The following TENM4 variants were observed in gnomAD, a reference collection of about 807,000 sequenced individuals.
TENM4 encodes teneurin transmembrane protein 4, also known as teneurin-4.
TENM4 carries 82 observed loss-of-function variants against 243.3 expected under a neutral mutation model. The observed-to-expected ratio is 0.34, with a 90% confidence interval of 0.28 to 0.40. TENM4 has a LOEUF of 0.40. Ranked by LOEUF, TENM4 falls within the 10% of genes least tolerant of loss-of-function variation. The probability of loss-of-function intolerance (pLI) is 1.00; values close to 1 mark genes in which losing one functional copy is unlikely to be tolerated. For missense variants in TENM4, 3,138 were observed against 3,673.3 expected (o/e 0.85, Z 3.77); for synonymous variants, 1,412 against 1,456.3 (o/e 0.97, Z 0.69).
chr11:78,751,872 T>C (rs1165639912), intron 19 of TENM4, among the ~76,000 whole-genome samples: 1 of 152,188 alleles, frequency 6.6e-6, no homozygotes, highest in Non-Finnish European at 1.5e-5. Flanking sequence ...CCTGCAGACC[T>C]CAGAGCTCCT....
intron 12 of TENM4, among the ~76,000 whole-genome samples, chr11:78,844,643 A>T (rs1858345410): frequency 6.6e-6 from 1 of 151,982 alleles, no homozygotes; most frequent in Non-Finnish European, 1.5e-5. Flanking sequence ...TCTGTCTAAA[A>T]AAAAAAAAAG....
At chr11:79,428,151 G>A (rs913101008) in intron 1 of TENM4, among the ~76,000 whole-genome samples, 7 of 152,160 alleles carry the variant, frequency 4.6e-5, no homozygotes, top group African/African-American at 1.7e-4. Flanking sequence ...CAGGAGCTGA[G>A]GCCCATGCTC....
rs1172996408 is a variant in TENM4 at position 78,773,226 on chromosome 11, A to G, written c.2393-2088T>C. On this transcript the variant is annotated intron_variant, in intron 17 of 33. Coordinates refer to ENST00000278550, the MANE Select transcript of TENM4 (RefSeq NM_001098816.3). ...TTTGCTGTAAGATAAAGCCTCTTGT[A>G]AGATGCAAACAGTATCTCTTACGTA... is the stretch of plus-strand genomic sequence containing the variant. 2.0e-5 allele frequency among the ~76,000 whole-genome samples: 3 copies of G among 152,232 alleles called. No individual in the cohort carries two copies. The East Asian group carries it at 5.8e-4, about 29-fold the overall frequency.
rs183776911 is a variant in TENM4, at chr11:78,756,813, A to T, written c.2748T>A (p.Phe916Leu). 16 of 1,613,102 alleles carry T rather than the reference A, an allele frequency of 9.9e-6. No individual in the cohort carries two copies. The highest frequency in any genetic ancestry group is 1.2e-5 in the Non-Finnish European group (14 of 1,179,634). ...STHIIPGENPFDGGHACVIRG... is the reference protein window; with the variant it reads ...STHIIPGENPLDGGHACVIRG... ...GGGGCCCTCGGACTCACCCTCCATCAAAGGGGTTCTCCCCGGGGATTATGT... is the reference window on the plus strand; with the variant it reads ...GGGGCCCTCGGACTCACCCTCCATCTAAGGGGTTCTCCCCGGGGATTATGT... Residue 916 changes from phenylalanine to leucine, a missense_variant, in exon 19 of 34, where the codon TTT (phenylalanine) becomes TTA (leucine). Physicochemically the swap from Phe to Leu is conservative, Grantham distance 22 (BLOSUM62 0). Transcript: ENST00000278550.
chr11:78,821,769 T>G (rs1323192401), intron 12 of TENM4, among the ~76,000 whole-genome samples: 1 of 152,220 alleles, frequency 6.6e-6, no homozygotes, highest in Non-Finnish European at 1.5e-5. Context: ...AATAAGGACT[T>G]TGTTTTGTGG....
At chr11:79,286,679 A>AC (rs1555041978) in intron 2 of TENM4, among the ~76,000 whole-genome samples, 4 of 151,436 alleles carry the variant, frequency 2.6e-5, no homozygotes, top group Non-Finnish European at 4.4e-5. Context: ...CAAAAAAAAA[A>AC]TTTTTTTTTA....
intron 2 of TENM4, among the ~76,000 whole-genome samples, chr11:79,257,075 C>G (rs977074286): frequency 2.6e-5 from 4 of 152,092 alleles, no homozygotes; most frequent in African/African-American, 9.7e-5. Flanking sequence ...AAGGCAGGAG[C>G]ATTCCAGGCA....
chr11:79,368,825 C>T (rs556739019), intron 1 of TENM4, among the ~76,000 whole-genome samples: 13 of 152,296 alleles, frequency 8.5e-5, no homozygotes, highest in Admixed American at 7.8e-4. Context: ...TCGTAGTGGG[C>T]AAATTAATTA....
At chr11:79,047,397 TATTA>T (rs1859683372) in intron 6 of TENM4, among the ~76,000 whole-genome samples, 2 of 152,208 alleles carry the variant, frequency 1.3e-5, no homozygotes, top group Non-Finnish European at 2.9e-5. Context: ...CTCTTTTTCA[TATTA>T]ATTAGCCAGC....
At chr11:79,053,643 A>T (rs914992425) in intron 6 of TENM4, among the ~76,000 whole-genome samples, 1 of 152,154 alleles carries the variant, frequency 6.6e-6, no homozygotes, top group Admixed American at 6.5e-5. Context: ...CCTTTTCCTG[A>T]TTGCTGCTGC....
Position 78,805,410 on chromosome 11 carries a change from G to A in TENM4, c.2061C>T (p.Thr687=). ...ATGTGGCCCTGGGGGTCTCGCAGTT[G>A]GTGCCTCCCCATCCCACAGAGCAGT... ...ECHCSVGWGG[T]NCETPRATCL... The change falls in exon 15 of 34, where the codon ACC becomes ACT. Residue 687 remains threonine, a synonymous_variant. Coordinates refer to ENST00000278550, the MANE Select transcript of TENM4 (RefSeq NM_001098816.3). 1.9e-6 allele frequency: 3 copies of A among 1,605,118 alleles called. No homozygotes were observed. Among genetic ancestry groups the A allele is most frequent in the Non-Finnish European group, 2.6e-6 (3 of 1,175,864 alleles).
At chr11:79,396,204 A>T (rs1448000758) in intron 1 of TENM4, among the ~76,000 whole-genome samples, 1 of 152,058 alleles carries the variant, frequency 6.6e-6, no homozygotes, top group African/African-American at 2.4e-5. Context: ...TAGAATTCCA[A>T]CCACTCCAAC....
chr11:78,736,637 A>T (rs1052087515), intron 20 of TENM4, among the ~76,000 whole-genome samples: 2 of 152,142 alleles, frequency 1.3e-5, no homozygotes, highest in African/African-American at 4.8e-5. Flanking sequence ...GTTTTTCGTA[A>T]GGTACGGGAG....
At chr11:79,291,261 G>A (rs1856352157) in intron 2 of TENM4, among the ~76,000 whole-genome samples, 1 of 152,222 alleles carries the variant, frequency 6.6e-6, no homozygotes, top group African/African-American at 2.4e-5. Context: ...TGTAGCAGTG[G>A]CTTGAAGGTT....
chr11:78,822,535 G>T (rs1242035064), intron 12 of TENM4, among the ~76,000 whole-genome samples: 1 of 152,120 alleles, frequency 6.6e-6, no homozygotes, highest in Non-Finnish European at 1.5e-5. Flanking sequence ...AGAACACATG[G>T]ATACAGGAAC....
intron 2 of TENM4, among the ~76,000 whole-genome samples, chr11:79,241,256 T>C (rs543093842): frequency 6.6e-6 from 1 of 152,152 alleles, no homozygotes; most frequent in South Asian, 2.1e-4. Flanking sequence ...AGTAGACTGC[T>C]GGAAGAGGGG....
chr11:79,372,953 T>C (rs1443947506), intron 1 of TENM4, among the ~76,000 whole-genome samples: 3 of 152,090 alleles, frequency 2.0e-5, no homozygotes. Context: ...GTGCAGCCAA[T>C]AAAGTGTATT....
In TENM4 at chr11:79,319,127, C is replaced by T. The variant is rs371671290; in HGVS notation, c.-320-21584G>A. On this transcript the variant is annotated intron_variant, in intron 1 of 33. Coordinates refer to ENST00000278550, the MANE Select transcript of TENM4 (RefSeq NM_001098816.3). ...CAACCCCATTTTACAGATGAAGAAA[C>T]GGAGGCTTAGACAAATTAAGTAGCT... Among the ~76,000 whole-genome samples the T allele has an allele frequency of 8.5e-5, 13 of 152,264 alleles. No individual in the cohort carries two copies. In the East Asian group the frequency reaches 9.6e-4, roughly 11 times the overall value.
intron 6 of TENM4, among the ~76,000 whole-genome samples, chr11:79,025,975 A>G (rs1486069615): frequency 6.6e-6 from 1 of 152,176 alleles, no homozygotes; most frequent in African/African-American, 2.4e-5. Flanking sequence ...GAGGAAAAAA[A>G]TACAACAGAC....
Sources: allele counts gnomAD v4.1 joint callset (sites outside exome capture counted in the v4.1 genomes callset), GRCh38; gene constraint gnomAD v4.1.1; transcripts MANE v1.5; gene names NCBI Gene and HGNC (gene_info 2026-07-23, HGNC 2026-07-21).